Variants in PID1 observed in about 807,000 individuals in gnomAD.
The protein encoded by PID1 is PTB-containing, cubilin and LRP1-interacting protein.
In PID1, 10 loss-of-function variants were observed where a neutral mutation model predicts 19.1. That is an observed-to-expected ratio of 0.52 (90% CI 0.32 to 0.89). PID1 has a LOEUF of 0.89. Ranked by LOEUF, PID1 falls within the 40% of genes least tolerant of loss-of-function variation. The pLI is 0.03. For missense variants in PID1, 248 were observed against 285.3 expected (o/e 0.87, Z 0.94); for synonymous variants, 130 against 116.0 (o/e 1.12, Z -0.78).
chr2:229,139,035 GAAAGAGAA>G lies in PID1; in HGVS notation c.177+16775_177+16782del, dbSNP rs1331672713. Among the ~76,000 whole-genome samples the G allele has an allele frequency of 1.6e-3, 93 of 59,600 alleles. 6 individuals carry two copies. Among genetic ancestry groups the G allele is most frequent in the East Asian group, 2.0e-3 (5 of 2,532 alleles). The allele number at this position is 59,600 out of a possible 152,430, so 39.1% of individuals were successfully genotyped here. On this transcript the variant is annotated intron_variant, in intron 2 of 2. Transcript: ENST00000392055. ...AGAAAGAAAGAAAGAAAGAAAGAAA[GAAAGAGAA>G]AGAAAGAAAGAAAGAGAAAGAAAGA...
chr2:229,063,925 A>G (rs1357818189), intron 2 of PID1, among the ~76,000 whole-genome samples: 3 of 152,014 alleles, frequency 2.0e-5, no homozygotes, highest in African/African-American at 7.2e-5. Flanking sequence ...GTCTTATGTT[A>G]GGGGAAGCAA....
chr2:229,184,479 GTATATATATATACCGTA>G lies in PID1; in HGVS notation c.31-28532_31-28516del, dbSNP rs1218395540. On this transcript the variant is annotated intron_variant, in intron 1 of 2. Transcript: ENST00000392055. ...TATATAGCCCGTATATATATATCCCGTATATATATATACCGTATATATATATATCCCGTATATATATA... is the reference window on the plus strand; with the variant it reads ...TATATAGCCCGTATATATATATCCCGTATATATATATCCCGTATATATATA... 4.5e-4 allele frequency among the ~76,000 whole-genome samples: 5 copies of G among 11,196 alleles called. 2 individuals are homozygous for G. The highest frequency in any genetic ancestry group is 3.4e-3 in the Admixed American group (2 of 590). The allele number at this position is 11,196 out of a possible 152,430, so 7.3% of individuals were successfully genotyped here.
intron 1 of PID1, among the ~76,000 whole-genome samples, chr2:229,184,450 TATATATATAG>T (rs1691052652): frequency 5.7e-5 from 1 of 17,560 alleles, no homozygotes; most frequent in Non-Finnish European, 9.8e-5. Context: ...ATATAGCCCG[TATATATATAG>T]CCCGTATATA....
chr2:229,042,311 A>T (rs781739350), intron 2 of PID1, among the ~76,000 whole-genome samples: 19 of 152,350 alleles, frequency 1.2e-4, no homozygotes, highest in Non-Finnish European at 2.4e-4. Flanking sequence ...TGTTAAAATT[A>T]TTTCATAATA....
At chr2:229,069,143 T>TTTTGTGTGTGTG (rs369977117) in intron 2 of PID1, among the ~76,000 whole-genome samples, 11 of 140,630 alleles carry the variant, frequency 7.8e-5, no homozygotes, top group African/African-American at 2.7e-4. Flanking sequence ...AGAAGGGTTT[T>TTTTGTGTGTGTG]TGTGTGTGTG....
At chr2:229,269,410 C>T (rs182785726) in intron 1 of PID1, among the ~76,000 whole-genome samples, 48 of 152,306 alleles carry the variant, frequency 3.2e-4, no homozygotes, top group African/African-American at 1.2e-3. Flanking sequence ...GCACAGGATT[C>T]CCTAAGTGAA....
intron 2 of PID1, among the ~76,000 whole-genome samples, chr2:229,108,090 G>GA (rs1695214751): frequency 7.8e-6 from 1 of 128,216 alleles, no homozygotes; most frequent in Admixed American, 7.4e-5. Context: ...TTTAAAACAA[G>GA]AAAAGAAAAG....
chr2:229,210,525 C>CAAAATAA (rs1691707478), intron 1 of PID1, among the ~76,000 whole-genome samples: 1 of 15,534 alleles, frequency 6.4e-5, no homozygotes, highest in African/African-American at 2.8e-4. Context: ...AGTTTTGTCT[C>CAAAATAA]AAAAAAAAAA....
chr2:229,220,396 C>A (rs980316621), intron 1 of PID1, among the ~76,000 whole-genome samples: 1 of 152,042 alleles, frequency 6.6e-6, no homozygotes, highest in Admixed American at 6.5e-5. Context: ...AAGGACTGTA[C>A]AACTGATGAG....
At chr2:229,141,708 T>C (rs1690015589) in intron 2 of PID1, among the ~76,000 whole-genome samples, 1 of 152,118 alleles carries the variant, frequency 6.6e-6, no homozygotes, top group Non-Finnish European at 1.5e-5. Context: ...CCCAGGATGA[T>C]GAATTTCATT....
intron 2 of PID1, among the ~76,000 whole-genome samples, chr2:229,075,137 G>T (rs1201147472): frequency 6.6e-6 from 1 of 152,160 alleles, no homozygotes; most frequent in Non-Finnish European, 1.5e-5. Context: ...CTAACACAAA[G>T]CCTATTTTAA....
At chr2:229,174,095 T>C (rs1422854344) in intron 1 of PID1, among the ~76,000 whole-genome samples, 1 of 152,180 alleles carries the variant, frequency 6.6e-6, no homozygotes. Flanking sequence ...ATTCCTTATC[T>C]CAGGAGACCT....
At chr2:229,164,941 A>C (rs918417853) in intron 1 of PID1, among the ~76,000 whole-genome samples, 4 of 152,208 alleles carry the variant, frequency 2.6e-5, no homozygotes, top group African/African-American at 9.6e-5. Context: ...TGATCAGCAT[A>C]TGCATAAAAG....
intron 2 of PID1, among the ~76,000 whole-genome samples, chr2:229,063,354 A>G (rs531875393): frequency 6.6e-6 from 1 of 151,758 alleles, no homozygotes. Context: ...TGTTTTTTCA[A>G]TTTCTTGTTT....
At chr2:229,127,144 T>G (rs1451199648) in intron 2 of PID1, among the ~76,000 whole-genome samples, 1 of 152,154 alleles carries the variant, frequency 6.6e-6, no homozygotes, top group Non-Finnish European at 1.5e-5. Flanking sequence ...GACACCCAAA[T>G]GCCAAGGACA....
At chr2:229,091,020 C>G (rs1694865289) in intron 2 of PID1, among the ~76,000 whole-genome samples, 1 of 152,144 alleles carries the variant, frequency 6.6e-6, no homozygotes, top group South Asian at 2.1e-4. Context: ...TGCCCATTCT[C>G]TCTGTTTCTC....
At chr2:229,087,392 T>C (rs1024258312) in intron 2 of PID1, among the ~76,000 whole-genome samples, 1 of 152,126 alleles carries the variant, frequency 6.6e-6, no homozygotes, top group South Asian at 2.1e-4. Context: ...GCAACACCAA[T>C]CTATGCTGTT....
At chr2:229,147,271 G>A (rs1022739497) in intron 2 of PID1, among the ~76,000 whole-genome samples, 2 of 152,046 alleles carry the variant, frequency 1.3e-5, no homozygotes, top group African/African-American at 4.8e-5. Context: ...ATTTAGAATG[G>A]AGTTTCCTAT....
chr2:229,072,217 T>C (rs1415685252), intron 2 of PID1, among the ~76,000 whole-genome samples: 1 of 152,208 alleles, frequency 6.6e-6, no homozygotes, highest in Non-Finnish European at 1.5e-5. Flanking sequence ...GAAAATAATG[T>C]ATAGTTGGCA....
Sources: allele counts gnomAD v4.1 joint callset (sites outside exome capture counted in the v4.1 genomes callset), GRCh38; gene constraint gnomAD v4.1.1; transcripts MANE v1.5; gene names NCBI Gene and HGNC (gene_info 2026-07-23, HGNC 2026-07-21).